COL8A1: variants seen among roughly 807,000 people sequenced by gnomAD.
COL8A1 encodes the protein collagen alpha-1(VIII) chain.
In COL8A1, 21 loss-of-function variants were observed where a neutral mutation model predicts 42.7. The observed-to-expected ratio is 0.49, with a 90% CI of 0.35 to 0.71. The LOEUF (loss-of-function observed/expected upper bound fraction) is 0.71, where lower values mean the gene tolerates loss of function less well. Among genes scored for constraint, COL8A1 ranks in the 30% least tolerant of loss-of-function variants. The pLI is 0.01. For missense variants in COL8A1, 788 were observed against 962.4 expected, an observed-to-expected ratio of 0.82 and a Z score of 2.40; for synonymous variants, 367 against 369.1, an observed-to-expected ratio of 0.99 and a Z score of 0.06.
chr3:99,773,815 G>GTA (rs1553682062), intron 2 of COL8A1, among the ~76,000 whole-genome samples: 575 of 35,892 alleles, frequency 0.016, 17 homozygotes, highest in Middle Eastern at 0.033. Context: ...ATATATGTGT[G>GTA]TATATATATA....
chr3:99,693,232 T>A (rs1369192728), intron 1 of COL8A1, among the ~76,000 whole-genome samples: 1 of 152,186 alleles, frequency 6.6e-6, no homozygotes. Context: ...TGTAATTATG[T>A]ACAGTTCATA....
chr3:99,733,438 G>A (rs1297897598), intron 1 of COL8A1, among the ~76,000 whole-genome samples: 1 of 141,056 alleles, frequency 7.1e-6, no homozygotes, highest in African/African-American at 2.7e-5. Flanking sequence ...TGAGAATGAT[G>A]ATTTCCAATT....
chr3:99,683,363 T>C (rs886543314), intron 1 of COL8A1, among the ~76,000 whole-genome samples: 3 of 152,160 alleles, frequency 2.0e-5, no homozygotes, highest in African/African-American at 7.2e-5. Context: ...ATGAAAGTTC[T>C]CAGCTGGAAA....
At chr3:99,791,808 G>A (rs1441776052) in intron 3 of COL8A1, among the ~76,000 whole-genome samples, 1 of 152,184 alleles carries the variant, frequency 6.6e-6, no homozygotes, top group African/African-American at 2.4e-5. Context: ...GGAACTTAGA[G>A]GCCTAGATGC....
chr3:99,732,448 C>A (rs1271175000), intron 1 of COL8A1, among the ~76,000 whole-genome samples: 2 of 152,100 alleles, frequency 1.3e-5, no homozygotes, highest in Non-Finnish European at 2.9e-5. Flanking sequence ...ACACATCCTT[C>A]TTCACATGGC....
chr3:99,758,043 C>G (rs910151651), intron 2 of COL8A1, among the ~76,000 whole-genome samples: 2 of 152,146 alleles, frequency 1.3e-5, no homozygotes, highest in Non-Finnish European at 2.9e-5. Context: ...ATGGCAAAAA[C>G]TTACTTTTGC....
intron 2 of COL8A1, among the ~76,000 whole-genome samples, chr3:99,753,570 A>C (rs1317172761): frequency 6.6e-6 from 1 of 152,168 alleles, no homozygotes; most frequent in African/African-American, 2.4e-5. Flanking sequence ...ATGGATCACA[A>C]TTGCCATCTA....
At chr3:99,749,925 T>C (rs1941104484) in intron 2 of COL8A1, among the ~76,000 whole-genome samples, 1 of 151,990 alleles carries the variant, frequency 6.6e-6, no homozygotes, top group Admixed American at 6.6e-5. Flanking sequence ...ACAATAATAG[T>C]GATAAGTTAT....
chr3:99,794,552 G>A lies in COL8A1; in HGVS notation c.651G>A (p.Gly217=). ...AGCCAGGTGGGCCAGGGTTACCAGG[G>A]CAACCAGGACCAAAGGGTGATCGAG... ...IGKPGGPGLP[G]QPGPKGDRGP... Residue 217 remains glycine, a synonymous_variant, in exon 4 of 4, where the codon GGG becomes GGA. Coordinates refer to ENST00000652472, the MANE Select transcript of COL8A1 (RefSeq NM_020351.4). This position sits in a 1 kb window ranked among gnomAD's most constrained non-coding sequence, Gnocchi z 4.3. 1 of 1,613,934 alleles carries A rather than the reference G, an allele frequency of 6.2e-7. No individual in the cohort carries two copies. The highest frequency in any genetic ancestry group is 8.5e-7 in the Non-Finnish European group (1 of 1,179,924).
intron 1 of COL8A1, among the ~76,000 whole-genome samples, chr3:99,688,205 C>T (rs923707124): frequency 9.9e-5 from 15 of 152,116 alleles, no homozygotes; most frequent in African/African-American, 3.6e-4. Context: ...TGTAACAAAC[C>T]ACCACAAATT....
intron 1 of COL8A1, among the ~76,000 whole-genome samples, chr3:99,696,042 G>A (rs544812614): frequency 1.1e-3 from 163 of 152,300 alleles, no homozygotes; most frequent in African/African-American, 3.8e-3. Flanking sequence ...GCTGAGGCAG[G>A]AGAATTGCTT....
At chr3:99,766,469 G>A (rs1159031277) in intron 2 of COL8A1, among the ~76,000 whole-genome samples, 1 of 152,244 alleles carries the variant, frequency 6.6e-6, no homozygotes, top group Non-Finnish European at 1.5e-5. Flanking sequence ...ATTATCTGGA[G>A]AAGGAAAAGT....
At chr3:99,723,058 G>A (rs1447273678) in intron 1 of COL8A1, among the ~76,000 whole-genome samples, 1 of 151,044 alleles carries the variant, frequency 6.6e-6, no homozygotes, top group Non-Finnish European at 1.5e-5. Context: ...CTTCTGAAAT[G>A]AAGTCATATA....
chr3:99,765,789 G>A (rs1433355485), intron 2 of COL8A1, among the ~76,000 whole-genome samples: 1 of 152,116 alleles, frequency 6.6e-6, no homozygotes, highest in Non-Finnish European at 1.5e-5. Flanking sequence ...GTGGTTACTA[G>A]ATGTTTTTAA....
intron 2 of COL8A1, among the ~76,000 whole-genome samples, chr3:99,763,711 A>G (rs1040764876): frequency 7.9e-5 from 12 of 152,172 alleles, no homozygotes; most frequent in Admixed American, 4.6e-4. Flanking sequence ...TGGCTCTACA[A>G]TCCATGCACC....
rs148827476 is a variant in COL8A1, at chr3:99,671,787, C to A, written c.-129+33123C>A. 1.8e-4 allele frequency among the ~76,000 whole-genome samples: 28 copies of A among 151,994 alleles called. No homozygotes were observed. In the East Asian group the frequency reaches 5.4e-3, roughly 29 times the overall value. The stretch of plus-strand genomic sequence containing the variant: ...GTTCTTCACATAATTAAAAATAGAC[C>A]TACCATATGACCCAGTAATCTACCA... On this transcript the variant is annotated intron_variant, in intron 1 of 3. Coordinates refer to ENST00000652472, the MANE Select transcript of COL8A1 (RefSeq NM_020351.4).
chr3:99,675,656 C>G (rs1384274826), intron 1 of COL8A1: 1 of 152,430 alleles, frequency 6.6e-6, no homozygotes, highest in Admixed American at 6.6e-5. Flanking sequence ...TCCTCTTCAT[C>G]CAGGGAGCTC....
intron 1 of COL8A1, among the ~76,000 whole-genome samples, chr3:99,735,335 A>C (rs1210833724): frequency 2.0e-5 from 1 of 49,940 alleles, no homozygotes; most frequent in African/African-American, 1.3e-4. Flanking sequence ...ATCAATACCT[A>C]ATTTATTGAG....
Position 99,794,695 on chromosome 3 carries a change from C to A in COL8A1, c.794C>A (p.Pro265His), listed in dbSNP as rs1576480195. The A allele has an allele frequency of 1.2e-6, 2 of 1,613,262 alleles. No individual in the cohort carries two copies. Among genetic ancestry groups the A allele is most frequent in the Non-Finnish European group, 1.7e-6 (2 of 1,179,678 alleles). Residue 265 changes from proline to histidine, a missense_variant, in exon 4 of 4, where the codon CCT (proline) becomes CAT (histidine). Physicochemically the swap from Pro to His is moderately conservative, Grantham distance 77. Transcript: ENST00000652472. The surrounding 1 kb of genome is among the most constrained non-coding windows in gnomAD (Gnocchi z 4.3). Reference protein sequence around the residue: ...GPPGMHGPPGPVGLPGVGKPG... With the variant: ...GPPGMHGPPGHVGLPGVGKPG... ...CCAGGGATGCACGGCCCTCCCGGCC[C>A]TGTTGGACTGCCAGGAGTGGGCAAA... is the stretch of plus-strand genomic sequence containing the variant.
Sources: gnomAD v4.1 joint callset for allele counts (sites outside exome capture counted in the v4.1 genomes callset) on GRCh38, gnomAD v4.1.1 for gene constraint, Gnocchi (gnomAD v3.1) non-coding constraint, MANE v1.5 for transcripts, NCBI Gene and HGNC (gene_info 2026-07-23, HGNC 2026-07-21) for gene names.